Variants in PDE9A observed in about 807,000 individuals in gnomAD.
PDE9A encodes the protein phosphodiesterase 9A, also known as high affinity cGMP-specific 3',5'-cyclic phosphodiesterase 9A.
PDE9A carries 60 observed loss-of-function variants against 87.4 expected under a neutral mutation model. The observed-to-expected ratio is 0.69, with a 90% CI of 0.56 to 0.85. The LOEUF (loss-of-function observed/expected upper bound fraction) is 0.85, where lower values mean the gene tolerates loss of function less well. Among genes scored for constraint, PDE9A ranks in the 40% least tolerant of loss-of-function variants. PDE9A has a pLI of 0.00. For missense variants in PDE9A, 665 were observed against 779.0 expected (o/e 0.85, Z 1.74); for synonymous variants, 272 against 279.4 (o/e 0.97, Z 0.27).
At chr21:42,661,507 GCCT>G (rs1382291151) in intron 1 of PDE9A, among the ~76,000 whole-genome samples, 1 of 151,764 alleles carries the variant, frequency 6.6e-6, no homozygotes, top group African/African-American at 2.4e-5. Context: ...GCTGTGCCTG[GCCT>G]CCTTCACTCG....
chr21:42,687,976 T>A lies in PDE9A; in HGVS notation c.200T>A (p.Met67Lys). Residue 67 changes from methionine to lysine, a missense_variant, in exon 3 of 20, where the codon ATG becomes AAG. Met to Lys is a moderately conservative substitution (Grantham distance 95). Coordinates refer to ENST00000291539, the MANE Select transcript of PDE9A (RefSeq NM_002606.3). ...DDAMVSIDPT[M>K]PANSERTPYK... ...GCCATGGTCTCCATCGACCCCACCA[T>A]GCCCGCGAATTCAGAACGGTAAGAG... 2 of 1,612,986 alleles carry A rather than the reference T, an allele frequency of 1.2e-6. No homozygotes were observed. Among genetic ancestry groups the A allele is most frequent in the South Asian group, 2.2e-5 (2 of 91,070 alleles).
At position 42,761,007 on chromosome 21, in the gene PDE9A, G is replaced by C. The variant is rs2055700907; in HGVS notation, c.1085+100G>C. ...CTCAGAGCAGTTCCCAGATGGAGCT[G>C]TCAACGACGGCCTCCCAGCCCCCAA... On this transcript the variant is annotated intron_variant, in intron 13 of 19. Transcript: ENST00000291539. 4 of 781,356 alleles carry C rather than the reference G, an allele frequency of 5.1e-6. No individual in the cohort carries two copies. In the Admixed American group the frequency reaches 5.7e-5, roughly 11 times the overall value. The allele number at this position is 781,356 out of a possible 1,614,324, so 48.4% of individuals were successfully genotyped here. A position where few individuals can be genotyped will look rare whatever the true frequency, so the allele number is the denominator to read the frequency against.
At chr21:42,676,814 G>A (rs1277011766) in intron 1 of PDE9A, among the ~76,000 whole-genome samples, 1 of 152,192 alleles carries the variant, frequency 6.6e-6, no homozygotes, top group Non-Finnish European at 1.5e-5. Context: ...ATTTTGGTTG[G>A]GGAGATTTCT....
At chr21:42,743,948 A>G in intron 8 of PDE9A, 88 bp downstream of exon 8, 2 of 791,092 alleles carry the variant, frequency 2.5e-6, no homozygotes, top group Non-Finnish European at 2.2e-6. Flanking sequence ...TTGTTTGCCT[A>G]AAAGAAAGGC....
Position 42,768,269 on chromosome 21 carries a change from TTA to T in PDE9A, c.1440_1441del (p.Leu480PhefsTer11). 1 of 1,597,354 alleles carries T rather than the reference TTA, an allele frequency of 6.3e-7. No homozygotes were observed. The highest frequency in any genetic ancestry group is 8.6e-7 in the Non-Finnish European group (1 of 1,164,668). ...MEVAEPWVDCLLEEYFMQSDR... is the reference protein window; with the variant it reads ...MEVAEPWVDCXLEEYFMQSDR... ...AGTCGCAGAGCCTTGGGTGGACTGT[TTA>T]TTAGAGGAATATTTTATGCAGGTAA... is the stretch of plus-strand genomic sequence containing the variant. On this transcript the variant is annotated frameshift_variant, in exon 16 of 20. Coordinates refer to ENST00000291539, the MANE Select transcript of PDE9A (RefSeq NM_002606.3). LOFTEE classifies it high-confidence loss of function.
At chr21:42,754,885 T>C (rs114636314) in intron 10 of PDE9A, among the ~76,000 whole-genome samples, 3,463 of 152,290 alleles carry the variant, frequency 0.023, 119 homozygotes, top group African/African-American at 0.077. Flanking sequence ...TTTTTCTTTA[T>C]AAGTTACCCA....
intron 4 of PDE9A, among the ~76,000 whole-genome samples, chr21:42,714,779 G>C (rs867334975): frequency 9.5e-5 from 12 of 125,750 alleles, no homozygotes; most frequent in Admixed American, 2.3e-4. Context: ...AGTCTTTGTT[G>C]ATATGGTTGG....
At chr21:42,697,912 C>G (rs2060230034) in intron 3 of PDE9A, among the ~76,000 whole-genome samples, 1 of 152,192 alleles carries the variant, frequency 6.6e-6, no homozygotes, top group South Asian at 2.1e-4. Context: ...ATGTGGCATC[C>G]TGCCTGTGGA....
rs1284325580 is a variant in PDE9A, at chr21:42,695,137, T to C, written c.219-3831T>C. ...TGGAACACGTTTACATCATGGAAAA[T>C]ATGGAAAATAGGCTGATTGGCTTCC... On this transcript the variant is annotated intron_variant, in intron 3 of 19. Coordinates refer to ENST00000291539, the MANE Select transcript of PDE9A (RefSeq NM_002606.3). The surrounding 1 kb of genome is among the most constrained non-coding windows in gnomAD (Gnocchi z 4.3). Among the ~76,000 whole-genome samples, 1 of 152,036 alleles carries C rather than the reference T, an allele frequency of 6.6e-6. No individual in the cohort carries two copies. Among genetic ancestry groups the C allele is most frequent in the Non-Finnish European group, 1.5e-5 (1 of 68,006 alleles).
At chr21:42,674,316 C>CTTTTTTTTTTTTT (rs34238765) in intron 1 of PDE9A, among the ~76,000 whole-genome samples, 3 of 134,608 alleles carry the variant, frequency 2.2e-5, no homozygotes, top group Non-Finnish European at 3.1e-5. Flanking sequence ...TTTAGACATT[C>CTTTTTTTTTTTTT]TTTTTTTTTT....
In PDE9A at chr21:42,692,773, C is replaced by G. The variant is rs1455701166; in HGVS notation, c.218+4779C>G. Among the ~76,000 whole-genome samples the G allele has an allele frequency of 6.6e-6, 1 of 152,176 alleles. No homozygotes were observed. Among genetic ancestry groups the G allele is most frequent in the South Asian group, 2.1e-4 (1 of 4,832 alleles). On this transcript the variant is annotated intron_variant, in intron 3 of 19. Transcript: ENST00000291539. The surrounding 1 kb of genome is among the most constrained non-coding windows in gnomAD (Gnocchi z 4.3). ...CTTTTCTTTTTTGGCCCTGCCTCCCCCTTGGCTTCTCCCCTCTTCCTCTCC... is the reference window on the plus strand; with the variant it reads ...CTTTTCTTTTTTGGCCCTGCCTCCCGCTTGGCTTCTCCCCTCTTCCTCTCC...
At chr21:42,769,490 ACAAGGCACGCAGG>A in intron 17 of PDE9A, among the ~76,000 whole-genome samples, 1 of 10,120 alleles carries the variant, frequency 9.9e-5, no homozygotes, top group East Asian at 2.4e-3. Context: ...ACACATGCAC[ACAAGGCACGCAGG>A]TACACATGCA....
intron 4 of PDE9A, among the ~76,000 whole-genome samples, chr21:42,703,850 A>G (rs373834610): frequency 6.6e-6 from 1 of 152,232 alleles, no homozygotes; most frequent in Non-Finnish European, 1.5e-5. Context: ...AAAGGCTCAC[A>G]TTAAACTTCG....
chr21:42,751,250 G>T, intron 9 of PDE9A, 53 bp downstream of exon 9: 1 of 1,302,304 alleles, frequency 7.7e-7, no homozygotes, highest in South Asian at 1.2e-5. Flanking sequence ...CCAGCCCCAC[G>T]CCCAGCCCTG....
Position 42,733,694 on chromosome 21 carries a change from C to T in PDE9A, c.568+268C>T, listed in dbSNP as rs77627323. 1,022 of 473,210 alleles carry T rather than the reference C, an allele frequency of 2.2e-3. 8 individuals carry two copies. The highest frequency in any genetic ancestry group is 0.013 in the African/African-American group (686 of 52,016). The allele number at this position is 473,210 out of a possible 1,614,324, so 29.3% of individuals were successfully genotyped here. A position where few individuals can be genotyped will look rare whatever the true frequency, so the allele number is the denominator to read the frequency against. ...ATAAAAATGAACACACGAAGCCTTCCGCACTTAGCCCCTCTGAGAACCTCT... is the reference window on the plus strand; with the variant it reads ...ATAAAAATGAACACACGAAGCCTTCTGCACTTAGCCCCTCTGAGAACCTCT... On this transcript the variant is annotated intron_variant, in intron 7 of 19. Transcript: ENST00000291539.
chr21:42,674,130 C>T (rs1481459480), intron 1 of PDE9A, among the ~76,000 whole-genome samples: 1 of 152,102 alleles, frequency 6.6e-6, no homozygotes, highest in African/African-American at 2.4e-5. Context: ...GGAGCAAGTC[C>T]CGGCCGGCCC....
intron 4 of PDE9A, among the ~76,000 whole-genome samples, chr21:42,713,762 C>CA (rs543990786): frequency 5.3e-4 from 79 of 150,310 alleles, no homozygotes; most frequent in Middle Eastern, 3.4e-3. Flanking sequence ...ATTCTCACCA[C>CA]AAAAAAAAAC....
chr21:42,674,216 C>T (rs776160483), intron 1 of PDE9A, among the ~76,000 whole-genome samples: 5 of 152,100 alleles, frequency 3.3e-5, no homozygotes, highest in Non-Finnish European at 5.9e-5. Flanking sequence ...CCCCCAGACA[C>T]GACACCCTTC....
chr21:42,666,734 C>T (rs962617704), intron 1 of PDE9A, among the ~76,000 whole-genome samples: 1 of 152,182 alleles, frequency 6.6e-6, no homozygotes, highest in Non-Finnish European at 1.5e-5. Context: ...GGCCCGGTCT[C>T]CAAATAAGGT....
Sources: allele counts gnomAD v4.1 joint callset (sites outside exome capture counted in the v4.1 genomes callset), GRCh38; gene constraint gnomAD v4.1.1; non-coding constraint Gnocchi (gnomAD v3.1); transcripts MANE v1.5; gene names NCBI Gene and HGNC (gene_info 2026-07-23, HGNC 2026-07-21).